GRIA1: variants seen among roughly 807,000 people sequenced by gnomAD.
The protein encoded by GRIA1 is glutamate receptor 1.
In GRIA1, 31 loss-of-function variants were observed where a neutral mutation model predicts 99.2. The ratio of observed to expected loss-of-function variants is 0.31; its 90% CI spans 0.23 to 0.42. GRIA1 has a LOEUF of 0.42. GRIA1 is among the 10% of genes least tolerant of loss of function. The pLI is 1.00. For synonymous variants in GRIA1, 438 were observed against 432.4 expected (o/e 1.01, Z -0.16); for missense variants, 782 against 1,157.5 (o/e 0.68, Z 4.71).
chr5:153,683,781 C>G (rs1757152907), intron 7 of GRIA1, among the ~76,000 whole-genome samples: 1 of 152,170 alleles, frequency 6.6e-6, no homozygotes. Flanking sequence ...TTATTATCAT[C>G]TAAATAATAT....
intron 11 of GRIA1, among the ~76,000 whole-genome samples, chr5:153,733,560 T>C (rs1196046077): frequency 3.9e-5 from 6 of 152,106 alleles, no homozygotes; most frequent in African/African-American, 9.6e-5. Flanking sequence ...TAAAAAGATA[T>C]AGAGTGGCTG....
intron 11 of GRIA1, among the ~76,000 whole-genome samples, chr5:153,738,876 C>T (rs1359129867): frequency 1.3e-5 from 2 of 151,862 alleles, no homozygotes; most frequent in Non-Finnish European, 2.9e-5. Context: ...GCATGCACCA[C>T]CACGTCCGGC....
chr5:153,778,748 G>T (rs1379149704), intron 13 of GRIA1, among the ~76,000 whole-genome samples: 1 of 151,266 alleles, frequency 6.6e-6, no homozygotes, highest in Non-Finnish European at 1.5e-5. Context: ...AAGAAAACAG[G>T]TTATACAATA....
intron 11 of GRIA1, among the ~76,000 whole-genome samples, chr5:153,707,912 G>T (rs922804327): frequency 6.6e-6 from 1 of 152,112 alleles, no homozygotes; most frequent in Non-Finnish European, 1.5e-5. Flanking sequence ...AACCAAGCAG[G>T]GGAAGGGCTT....
chr5:153,660,247 A>T (rs1429394327), intron 5 of GRIA1, among the ~76,000 whole-genome samples: 1 of 152,172 alleles, frequency 6.6e-6, no homozygotes, highest in African/African-American at 2.4e-5. Context: ...ACCCCTAATA[A>T]ATTACAACAA....
At chr5:153,657,487 G>A (rs1755039988) in intron 5 of GRIA1, among the ~76,000 whole-genome samples, 1 of 152,070 alleles carries the variant, frequency 6.6e-6, no homozygotes, top group Non-Finnish European at 1.5e-5. Flanking sequence ...ACATATAACT[G>A]GCTTCAGTTT....
At chr5:153,744,052 G>A (rs997632527) in intron 11 of GRIA1, among the ~76,000 whole-genome samples, 2 of 152,242 alleles carry the variant, frequency 1.3e-5, no homozygotes, top group Admixed American at 6.5e-5. Context: ...CTGAGGGTGA[G>A]GATGAAGTTG....
At chr5:153,582,484 G>T (rs1430428219) in intron 2 of GRIA1, among the ~76,000 whole-genome samples, 1 of 152,124 alleles carries the variant, frequency 6.6e-6, no homozygotes, top group Non-Finnish European at 1.5e-5. Context: ...GGGGAATGTG[G>T]AGCGAGCCTA....
Position 153,647,160 on chromosome 5 carries a change from C to T in GRIA1, c.453C>T (p.Ala151=), listed in dbSNP as rs756035479. ...AGAAATTTGTCTACATTTATGATGC[C>T]GACCGGGGTAAGCCAAGGGTTAGGG... is the stretch of plus-strand genomic sequence containing the variant. ...KWQKFVYIYD[A]DRGLSVLQKV... The change falls in exon 3 of 16, where the codon GCC becomes GCT. Residue 151 remains alanine (A), a synonymous_variant. Coordinates refer to ENST00000285900, the MANE Select transcript of GRIA1 (RefSeq NM_000827.4). The T allele has an allele frequency of 3.7e-5, 59 of 1,613,532 alleles. No individual in the cohort carries two copies. Among genetic ancestry groups the T allele is most frequent in the Non-Finnish European group, 4.5e-5 (53 of 1,179,830 alleles).
At chr5:153,609,290 C>A (rs1468215866) in intron 2 of GRIA1, among the ~76,000 whole-genome samples, 1 of 152,198 alleles carries the variant, frequency 6.6e-6, no homozygotes, top group Admixed American at 6.5e-5. Flanking sequence ...TCTCCTACAT[C>A]TTCAAGTAGA....
chr5:153,623,284 G>C (rs1198530038), intron 2 of GRIA1, among the ~76,000 whole-genome samples: 4 of 152,142 alleles, frequency 2.6e-5, no homozygotes, highest in Non-Finnish European at 5.9e-5. Flanking sequence ...GGGTGTATGT[G>C]TCATGCATTT....
At chr5:153,773,991 T>C (rs1223746323) in intron 13 of GRIA1, among the ~76,000 whole-genome samples, 1 of 151,806 alleles carries the variant, frequency 6.6e-6, no homozygotes, top group East Asian at 1.9e-4. Flanking sequence ...ACCAATAATA[T>C]AGAGGTTCCA....
At chr5:153,678,987 A>G (rs1756786556) in intron 7 of GRIA1, among the ~76,000 whole-genome samples, 1 of 152,106 alleles carries the variant, frequency 6.6e-6, no homozygotes, top group Admixed American at 6.5e-5. Context: ...TTTTTTTCTT[A>G]TGGTCTAACC....
At chr5:153,588,892 G>A (rs2149384061) in intron 2 of GRIA1, among the ~76,000 whole-genome samples, 1 of 151,926 alleles carries the variant, frequency 6.6e-6, no homozygotes, top group East Asian at 1.9e-4. Flanking sequence ...CTTCCTTTCA[G>A]GTACTATATA....
At chr5:153,764,889 G>A (rs1261607174) in intron 12 of GRIA1, among the ~76,000 whole-genome samples, 1 of 152,168 alleles carries the variant, frequency 6.6e-6, no homozygotes, top group Non-Finnish European at 1.5e-5. Context: ...CTAATGCTCT[G>A]AGGGCTGCAA....
chr5:153,559,695 G>A (rs1022255444), intron 2 of GRIA1, among the ~76,000 whole-genome samples: 2 of 152,072 alleles, frequency 1.3e-5, no homozygotes, highest in African/African-American at 4.8e-5. Context: ...CATTACCATG[G>A]CAGAGATATT....
intron 6 of GRIA1, 66 bp from the exon 7 acceptor site, chr5:153,676,928 C>G: frequency 7.8e-7 from 1 of 1,274,556 alleles, no homozygotes; most frequent in Non-Finnish European, 1.0e-6. Context: ...TTCCCAAATA[C>G]AGCACCCAAA....
At chr5:153,769,171 G>A (rs10155614) in intron 12 of GRIA1, among the ~76,000 whole-genome samples, 18,978 of 152,110 alleles carry the variant, frequency 0.12, 1,267 homozygotes, top group Middle Eastern at 0.26. Context: ...TGTCCCATAA[G>A]AGTATCAGCC....
chr5:153,706,542 T>A (rs1758909322), intron 11 of GRIA1, among the ~76,000 whole-genome samples: 1 of 152,238 alleles, frequency 6.6e-6, no homozygotes. Flanking sequence ...ACACAGCTAG[T>A]AGGCAAGTGA....
Sources: allele counts gnomAD v4.1 joint callset (sites outside exome capture counted in the v4.1 genomes callset), GRCh38; gene constraint gnomAD v4.1.1; transcripts MANE v1.5; gene names NCBI Gene and HGNC (gene_info 2026-07-23, HGNC 2026-07-21).